Variants in RGPD2 observed in about 807,000 individuals in gnomAD.
The protein encoded by RGPD2 is RANBP2 like and GRIP domain containing 2, also known as RANBP2-like and GRIP domain-containing protein 2.
Under a neutral mutation model 36.0 loss-of-function variants are expected in RGPD2, and 2 were observed. The ratio of observed to expected loss-of-function variants is 0.06; its 90% CI spans 0.02 to 0.17. RGPD2 has a LOEUF of 0.17. Among genes scored for constraint, RGPD2 ranks in the 10% least tolerant of loss-of-function variants. The probability of loss-of-function intolerance (pLI) is 1.00; values close to 1 mark genes in which losing one functional copy is unlikely to be tolerated. For synonymous variants in RGPD2, 19 were observed against 163.8 expected (o/e 0.12, Z 6.75); for missense variants, 40 against 464.3 (o/e 0.09, Z 8.40).
At chr2:87,951,418 CCT>C in the RGPD2 span, among the ~76,000 whole-genome samples, 1 of 151,784 alleles carries the variant, frequency 6.6e-6, no homozygotes, top group Non-Finnish European at 1.5e-5. Context: ...AGAGAGAACC[CCT>C]GAGAGAGGAA....
chr2:87,961,388 G>A, the RGPD2 span, among the ~76,000 whole-genome samples: 1 of 151,800 alleles, frequency 6.6e-6, no homozygotes, highest in South Asian at 2.1e-4. Context: ...CGGGCTCTTG[G>A]CAGCACCCTG....
intron 1 of RGPD2, 22 bp downstream of exon 1, chr2:87,825,636 G>GAGGCCGCCGCCCGGCCAGGTCGAGGCC (rs1342283884): frequency 1.3e-6 from 2 of 1,542,502 alleles, no homozygotes; most frequent in East Asian, 2.5e-5. Context: ...CGAGGCCGTC[G>GAGGCCGCCGCCCGGCCAGGTCGAGGCC]GTCTCTTCGA....
the RGPD2 span, among the ~76,000 whole-genome samples, chr2:87,942,446 G>GT: frequency 6.3e-4 from 88 of 139,704 alleles, 1 homozygote; most frequent in Middle Eastern, 0.021. Flanking sequence ...ACAAACCATT[G>GT]TTTTCTACTT....
chr2:87,853,471 A>C, the RGPD2 span, among the ~76,000 whole-genome samples: 1 of 151,384 alleles, frequency 6.6e-6, no homozygotes, highest in Non-Finnish European at 1.5e-5. Context: ...CGGTCCTCTC[A>C]CCTTGGCCTC....
the RGPD2 span, among the ~76,000 whole-genome samples, chr2:87,902,289 G>A: frequency 6.6e-6 from 1 of 152,272 alleles, no homozygotes; most frequent in Non-Finnish European, 1.5e-5. Flanking sequence ...AGAGTTGGAA[G>A]AACTCTAATC....
chr2:87,898,516 AGTTAATATT>A, the RGPD2 span, among the ~76,000 whole-genome samples: 1 of 92,242 alleles, frequency 1.1e-5, no homozygotes, highest in Non-Finnish European at 2.1e-5. Flanking sequence ...TTTAATTGCT[AGTTAATATT>A]GTTAGGTTCT....
the RGPD2 span, among the ~76,000 whole-genome samples, chr2:87,920,048 T>C: frequency 2.0e-5 from 3 of 151,804 alleles, no homozygotes; most frequent in Non-Finnish European, 4.4e-5. Flanking sequence ...AACAATGCCA[T>C]TATTGAAAAT....
chr2:87,913,148 G>A, the RGPD2 span, among the ~76,000 whole-genome samples: 49 of 151,976 alleles, frequency 3.2e-4, no homozygotes, highest in African/African-American at 1.2e-3. Flanking sequence ...CAACCCAAAT[G>A]TCCAACAGTG....
chr2:87,971,559 T>C, the RGPD2 span, among the ~76,000 whole-genome samples: 3 of 144,336 alleles, frequency 2.1e-5, no homozygotes, highest in Admixed American at 7.1e-5. Flanking sequence ...ATGTAAAATA[T>C]TGAGTATCAT....
intron 6 of RGPD2, among the ~76,000 whole-genome samples, chr2:87,809,670 C>T (rs1400595026): frequency 6.7e-6 from 1 of 149,220 alleles, no homozygotes; most frequent in South Asian, 2.2e-4. Context: ...TGTCACCCAC[C>T]ACCCTAAGCC....
At chr2:87,958,600 C>G in the RGPD2 span, among the ~76,000 whole-genome samples, 1 of 152,232 alleles carries the variant, frequency 6.6e-6, no homozygotes, top group Middle Eastern at 3.2e-3. Context: ...TTTAGAAATT[C>G]TAAAATAAAA....
the RGPD2 span, among the ~76,000 whole-genome samples, chr2:87,939,754 G>C: frequency 6.6e-6 from 1 of 151,980 alleles, no homozygotes; most frequent in Non-Finnish European, 1.5e-5. Context: ...GAGAGAAAGA[G>C]AGAGAACTCA....
At chr2:87,902,347 T>C in the RGPD2 span, among the ~76,000 whole-genome samples, 1 of 152,020 alleles carries the variant, frequency 6.6e-6, no homozygotes, top group African/African-American at 2.4e-5. Flanking sequence ...AATTAGATTA[T>C]GGTTGTCCTC....
chr2:87,857,951 AG>A, the RGPD2 span, among the ~76,000 whole-genome samples: 1 of 152,258 alleles, frequency 6.6e-6, no homozygotes, highest in Non-Finnish European at 1.5e-5. Context: ...TATATTTCTA[AG>A]GGAAAAGAGT....
the RGPD2 span, among the ~76,000 whole-genome samples, chr2:87,958,593 A>G: frequency 1.3e-5 from 2 of 152,264 alleles, no homozygotes; most frequent in Non-Finnish European, 2.9e-5. Context: ...TTCTAAATTT[A>G]GAAATTCTAA....
the RGPD2 span, among the ~76,000 whole-genome samples, chr2:87,981,183 AT>A: frequency 4.1e-5 from 2 of 49,032 alleles, no homozygotes; most frequent in African/African-American, 7.6e-5. Flanking sequence ...CTAAGCAAAC[AT>A]TTATTTACAG....
the RGPD2 span, among the ~76,000 whole-genome samples, chr2:87,985,229 A>G: frequency 0.014 from 2,060 of 150,634 alleles, 32 homozygotes; most frequent in African/African-American, 0.049. Flanking sequence ...TACAGAGTAG[A>G]TGGTATAGTA....
chr2:87,966,564 A>G, the RGPD2 span, among the ~76,000 whole-genome samples: 1 of 148,070 alleles, frequency 6.8e-6, no homozygotes, highest in South Asian at 2.2e-4. Context: ...CAAAAGCAGA[A>G]AAAATAAAAT....
the RGPD2 span, among the ~76,000 whole-genome samples, chr2:87,961,374 C>T: frequency 3.3e-5 from 5 of 152,028 alleles, no homozygotes; most frequent in South Asian, 6.2e-4. Context: ...GAGCTGCACT[C>T]GGCCGGGCTC....
Sources: allele counts gnomAD v4.1 joint callset (sites outside exome capture counted in the v4.1 genomes callset), GRCh38; gene constraint gnomAD v4.1.1; transcripts MANE v1.5; gene names NCBI Gene and HGNC (gene_info 2026-07-23, HGNC 2026-07-21).